Variants in LRGUK observed in about 807,000 individuals in gnomAD.
LRGUK encodes leucine-rich repeat and guanylate kinase domain-containing protein.
A neutral mutation model predicts 76.0 loss-of-function variants in LRGUK; 65 were observed. The ratio of observed to expected loss-of-function variants is 0.85; its 90% CI spans 0.70 to 1.05. LRGUK has a LOEUF of 1.05. LRGUK is among the 50% of genes least tolerant of loss of function. LRGUK has a pLI of 0.00. For synonymous variants in LRGUK, 268 were observed against 265.6 expected (o/e 1.01, Z -0.09); for missense variants, 758 against 732.8 (o/e 1.03, Z -0.40).
chr7:134,204,922 G>A (rs1024659706), intron 15 of LRGUK, among the ~76,000 whole-genome samples: 1 of 152,182 alleles, frequency 6.6e-6, no homozygotes, highest in Non-Finnish European at 1.5e-5. Flanking sequence ...CCTGCCAGTG[G>A]GTTCGTGGTC....
At chr7:134,243,998 T>C (rs886834899) in intron 16 of LRGUK, among the ~76,000 whole-genome samples, 22 of 152,292 alleles carry the variant, frequency 1.4e-4, no homozygotes, top group Admixed American at 1.4e-3. Flanking sequence ...TGGCTAGCCA[T>C]ATGTAGAAAG....
chr7:134,214,696 A>G (rs2117138358), downstream of LRGUK, among the ~76,000 whole-genome samples: 1 of 152,026 alleles, frequency 6.6e-6, no homozygotes, highest in Admixed American at 6.6e-5. Flanking sequence ...TTATTTTCCC[A>G]TCTATGCTTT....
intron 15 of LRGUK, among the ~76,000 whole-genome samples, chr7:134,205,515 T>G (rs1031543006): frequency 6.6e-6 from 1 of 152,218 alleles, no homozygotes; most frequent in Non-Finnish European, 1.5e-5. Flanking sequence ...ATAAACACAT[T>G]ACTCACATAA....
rs144250507 is a variant in LRGUK, at chr7:134,198,517, T to C, written c.1546-703T>C. 9.8e-5 allele frequency among the ~76,000 whole-genome samples: 15 copies of C among 152,334 alleles called. No individual in the cohort carries two copies. In the East Asian group the frequency reaches 2.9e-3, roughly 29 times the overall value. On this transcript the variant is annotated intron_variant, in intron 13 of 15. Transcript: ENST00000645682. The stretch of plus-strand genomic sequence containing the variant: ...ATTTTTAAAACAAAGACTTTGAACA[T>C]TGAGTGAAACTGATTGAGATGGACG...
Position 134,182,831 on chromosome 7 carries a change from G to A in LRGUK, c.1215-903G>A, listed in dbSNP as rs111689650. On this transcript the variant is annotated intron_variant, in intron 10 of 15. Transcript: ENST00000645682. ...GACTGGAGTACAATGGCGCCATCTC[G>A]GCTCACTGTAACCTCCATCTCCTGG... Among the ~76,000 whole-genome samples the A allele has an allele frequency of 7.8e-3, 1,180 of 152,070 alleles. 20 individuals carry two copies. Among genetic ancestry groups the A allele is most frequent in the African/African-American group, 0.027 (1,140 of 41,488 alleles).
At chr7:134,195,778 G>A (rs1800452509) in intron 12 of LRGUK, among the ~76,000 whole-genome samples, 1 of 152,066 alleles carries the variant, frequency 6.6e-6, no homozygotes, top group Non-Finnish European at 1.5e-5. Flanking sequence ...AAATAACAAA[G>A]AAAGTATGAC....
intron 5 of LRGUK, among the ~76,000 whole-genome samples, chr7:134,149,116 A>G (rs1439073354): frequency 2.0e-5 from 3 of 151,294 alleles, no homozygotes; most frequent in Non-Finnish European, 2.9e-5. Flanking sequence ...TTTAAAAAAA[A>G]AAAAAAACAA....
At chr7:134,171,391 A>G (rs1314496282) in intron 7 of LRGUK, among the ~76,000 whole-genome samples, 1 of 151,670 alleles carries the variant, frequency 6.6e-6, no homozygotes, top group Non-Finnish European at 1.5e-5. Context: ...AAGACGACAA[A>G]TATATATATG....
intron 16 of LRGUK, among the ~76,000 whole-genome samples, chr7:134,224,053 C>T (rs868110345): frequency 1.3e-5 from 2 of 152,224 alleles, no homozygotes; most frequent in African/African-American, 4.8e-5. Context: ...CCTGGGAAAT[C>T]CAGCTCTTTC....
intron 12 of LRGUK, among the ~76,000 whole-genome samples, chr7:134,193,298 A>C (rs1451327707): frequency 2.6e-5 from 4 of 152,208 alleles, no homozygotes; most frequent in Admixed American, 2.0e-4. Context: ...AGTTATCTTG[A>C]TATTAGTAAG....
intron 15 of LRGUK, among the ~76,000 whole-genome samples, chr7:134,220,135 A>G (rs549716306): frequency 1.3e-5 from 2 of 152,322 alleles, no homozygotes; most frequent in Admixed American, 6.5e-5. Context: ...TATCACAGAG[A>G]TTCAACAGAG....
chr7:134,253,428 A>C (rs368273568), intron 18 of LRGUK, among the ~76,000 whole-genome samples: 57 of 152,352 alleles, frequency 3.7e-4, no homozygotes, highest in East Asian at 2.9e-3. Context: ...AGAACTGAGA[A>C]TAGTGATAGA....
In LRGUK at chr7:134,251,068, T is replaced by C. The variant is rs576247389; in HGVS notation, c.2198+1992T>C. 1.7e-3 allele frequency among the ~76,000 whole-genome samples: 257 copies of C among 152,320 alleles called. 1 individual carries two copies. The highest frequency in any genetic ancestry group is 5.9e-3 in the African/African-American group (246 of 41,564). On this transcript the variant is annotated intron_variant, in intron 18 of 19. Transcript: ENST00000285928. The stretch of plus-strand genomic sequence containing the variant: ...TGTGTCTTATATGCAGACATATTAT[T>C]TCCCAAAACATATGTGTTATGGTTT...
At chr7:134,234,355 TTGTC>T (rs1264804418) in intron 16 of LRGUK, among the ~76,000 whole-genome samples, 1 of 152,020 alleles carries the variant, frequency 6.6e-6, no homozygotes, top group Non-Finnish European at 1.5e-5. Flanking sequence ...TCTAGTGTGG[TTGTC>T]TGACCGCCTG....
At chr7:134,140,652 T>G (rs948933946) in intron 3 of LRGUK, among the ~76,000 whole-genome samples, 25 of 152,120 alleles carry the variant, frequency 1.6e-4, no homozygotes, top group Admixed American at 8.5e-4. Flanking sequence ...CAAATAAATG[T>G]TGCTGATATG....
At chr7:134,225,125 G>GA (rs769671717) in intron 16 of LRGUK, among the ~76,000 whole-genome samples, 2,829 of 59,952 alleles carry the variant, frequency 0.047, 34 homozygotes, top group African/African-American at 0.062. Flanking sequence ...AACAGAACTG[G>GA]AAAAAAAAAA....
At chr7:134,230,721 C>T (rs1801869531) in intron 16 of LRGUK, among the ~76,000 whole-genome samples, 1 of 152,152 alleles carries the variant, frequency 6.6e-6, no homozygotes. Flanking sequence ...AGAATTCTAA[C>T]TAAAAAGAAT....
intron 1 of LRGUK, among the ~76,000 whole-genome samples, chr7:134,133,455 T>G (rs533915827): frequency 1.3e-5 from 2 of 152,326 alleles, no homozygotes; most frequent in South Asian, 4.1e-4. Flanking sequence ...TGCCTATCTC[T>G]ATTATAATCT....
chr7:134,174,521 T>C, intron 7 of LRGUK, 35 bp from the exon 8 acceptor site: 7 of 1,253,656 alleles, frequency 5.6e-6, no homozygotes, highest in Non-Finnish European at 8.2e-6. Flanking sequence ...TTTGTGCATT[T>C]AGTCTGTTGA....
Sources: allele counts gnomAD v4.1 joint callset (sites outside exome capture counted in the v4.1 genomes callset), GRCh38; gene constraint gnomAD v4.1.1; transcripts MANE v1.5; gene names NCBI Gene and HGNC (gene_info 2026-07-23, HGNC 2026-07-21).